TRPS1: variants seen among roughly 807,000 people sequenced by gnomAD.
The protein encoded by TRPS1 is zinc finger transcription factor Trps1.
A neutral mutation model predicts 101.2 loss-of-function variants in TRPS1; 6 were observed. The observed-to-expected ratio is 0.06, with a 90% CI of 0.03 to 0.12. TRPS1 has a LOEUF of 0.12. TRPS1 is among the 10% of genes least tolerant of loss of function. The probability of loss-of-function intolerance (pLI) is 1.00; values close to 1 mark genes in which losing one functional copy is unlikely to be tolerated. For synonymous variants in TRPS1, 578 were observed against 589.8 expected (o/e 0.98, Z 0.29); for missense variants, 1,363 against 1,567.0 (o/e 0.87, Z 2.20).
At chr8:115,463,046 T>C (rs938602477) in intron 5 of TRPS1, among the ~76,000 whole-genome samples, 5 of 152,222 alleles carry the variant, frequency 3.3e-5, no homozygotes, top group African/African-American at 1.2e-4. Flanking sequence ...CTTCTGTATG[T>C]TGCTGTGAGA....
At chr8:115,628,409 T>A (rs767088630) in intron 1 of TRPS1, among the ~76,000 whole-genome samples, 11 of 151,752 alleles carry the variant, frequency 7.2e-5, no homozygotes, top group Non-Finnish European at 1.5e-4. Flanking sequence ...CTAATTAGCA[T>A]CATTTTTCCC....
rs879808063 is a variant in TRPS1 at position 115,452,667 on chromosome 8, G to GTACTGCA, written c.2701-34216_2701-34215insTGCAGTA. ...AACTGAAATACAAAGGAACTTCCAA[G>GTACTGCA]TACCGCAGCCTTGGGATGCTTGGAT... On this transcript the variant is annotated intron_variant, in intron 5 of 6. Transcript: ENST00000395715. 2.5e-4 allele frequency among the ~76,000 whole-genome samples: 38 copies of GTACTGCA among 152,150 alleles called. 1 individual carries two copies. The highest frequency in any genetic ancestry group is 1.4e-3 in the Admixed American group (22 of 15,282).
rs116949255 is a variant in TRPS1, at chr8:115,533,321, A to C, written c.2700+53680T>G. Among the ~76,000 whole-genome samples, 921 of 152,138 alleles carry C rather than the reference A, an allele frequency of 6.1e-3. 25 individuals are homozygous for C. Among genetic ancestry groups the C allele is most frequent in the Admixed American group, 0.045 (680 of 15,270 alleles). ...TAGGAAAACTAGTTCCAATATTTCTAATGTTGTCAATTACGGTAAATCCTG... is the reference window on the plus strand; with the variant it reads ...TAGGAAAACTAGTTCCAATATTTCTCATGTTGTCAATTACGGTAAATCCTG... On this transcript the variant is annotated intron_variant, in intron 5 of 6. Transcript: ENST00000395715.
chr8:115,535,073 CAT>C (rs970649904), intron 5 of TRPS1, among the ~76,000 whole-genome samples: 6 of 144,188 alleles, frequency 4.2e-5, no homozygotes, highest in Non-Finnish European at 6.0e-5. Context: ...TATATATAAG[CAT>C]ATATATAGCA....
intron 5 of TRPS1, among the ~76,000 whole-genome samples, chr8:115,499,913 A>AAATT (rs1210180455): frequency 1.5e-5 from 2 of 137,450 alleles, no homozygotes; most frequent in South Asian, 2.4e-4. Context: ...GAAAAGTGCT[A>AAATT]AATTTCTTTC....
Position 115,447,785 on chromosome 8 carries a change from C to A in TRPS1, c.2701-29333G>T, listed in dbSNP as rs73706603. On this transcript the variant is annotated intron_variant, in intron 5 of 6. Transcript: ENST00000395715. The stretch of plus-strand genomic sequence containing the variant: ...TTTTGTGATTAAATACTTAAAAAAA[C>A]CCAAAACTTATGTTCAGTGTCACCT... Among the ~76,000 whole-genome samples, 1,082 of 152,034 alleles carry A rather than the reference C, an allele frequency of 7.1e-3. 14 individuals are homozygous for A. The highest frequency in any genetic ancestry group is 0.025 in the African/African-American group (1,041 of 41,488).
At chr8:115,421,137 A>ACC (rs1474924070) in intron 5 of TRPS1, among the ~76,000 whole-genome samples, 3 of 151,964 alleles carry the variant, frequency 2.0e-5, no homozygotes, top group African/African-American at 7.3e-5. Context: ...GGCATGCGCC[A>ACC]CCATGACCGG....
chr8:115,466,480 A>C (rs1055015790), intron 5 of TRPS1, among the ~76,000 whole-genome samples: 2 of 152,206 alleles, frequency 1.3e-5, no homozygotes, highest in Admixed American at 1.3e-4. Flanking sequence ...TCTACAGTAA[A>C]GTGAAGAAGG....
At chr8:115,664,661 A>G (rs1811881565) in intron 1 of TRPS1, among the ~76,000 whole-genome samples, 1 of 152,134 alleles carries the variant, frequency 6.6e-6, no homozygotes, top group South Asian at 2.1e-4. Flanking sequence ...TATTACCTGA[A>G]AGCTTGACCT....
intron 5 of TRPS1, among the ~76,000 whole-genome samples, chr8:115,548,441 G>A (rs868782963): frequency 2.6e-5 from 4 of 151,962 alleles, no homozygotes; most frequent in Non-Finnish European, 4.4e-5. Flanking sequence ...AGGTTCAAGC[G>A]ATTCTCCTGC....
At chr8:115,609,620 CA>C (rs1363013236) in intron 3 of TRPS1, among the ~76,000 whole-genome samples, 1 of 152,144 alleles carries the variant, frequency 6.6e-6, no homozygotes, top group African/African-American at 2.4e-5. Flanking sequence ...CAAGAAACTA[CA>C]AAATGCATCT....
At chr8:115,536,787 G>C (rs1563584973) in intron 5 of TRPS1, among the ~76,000 whole-genome samples, 3 of 143,700 alleles carry the variant, frequency 2.1e-5, no homozygotes, top group Admixed American at 1.4e-4. Flanking sequence ...TATAGCTGAA[G>C]TTTTTTTTTT....
chr8:115,443,171 G>A (rs900806473), intron 5 of TRPS1, among the ~76,000 whole-genome samples: 2 of 152,098 alleles, frequency 1.3e-5, no homozygotes, highest in East Asian at 3.9e-4. Context: ...TTGGGAGGCT[G>A]AGGCAGGACA....
intron 4 of TRPS1, among the ~76,000 whole-genome samples, chr8:115,598,582 G>C (rs1352504401): frequency 6.6e-6 from 1 of 152,140 alleles, no homozygotes; most frequent in Non-Finnish European, 1.5e-5. Flanking sequence ...GATTTCAGGT[G>C]TGAGCCACTG....
chr8:115,488,655 C>A (rs1217850462), intron 5 of TRPS1, among the ~76,000 whole-genome samples: 2 of 152,060 alleles, frequency 1.3e-5, no homozygotes, highest in African/African-American at 4.8e-5. Flanking sequence ...AGCCTCGCAA[C>A]AGAGTGAGAT....
intron 5 of TRPS1, among the ~76,000 whole-genome samples, chr8:115,489,292 T>C (rs766928723): frequency 2.6e-5 from 4 of 152,204 alleles, no homozygotes; most frequent in Admixed American, 6.5e-5. Flanking sequence ...ACTCCCATTA[T>C]ACCAAACCAA....
At chr8:115,630,866 T>A (rs557831626) in intron 1 of TRPS1, among the ~76,000 whole-genome samples, 1 of 152,192 alleles carries the variant, frequency 6.6e-6, no homozygotes, top group African/African-American at 2.4e-5. Context: ...GCATTTCTCA[T>A]AATCACTTTA....
At chr8:115,593,499 C>T (rs1380945911) in intron 4 of TRPS1, among the ~76,000 whole-genome samples, 2 of 152,050 alleles carry the variant, frequency 1.3e-5, no homozygotes, top group African/African-American at 4.8e-5. Context: ...GAATTAGTAC[C>T]TAAAAGATTT....
intron 5 of TRPS1, among the ~76,000 whole-genome samples, chr8:115,463,101 A>G (rs1200019733): frequency 6.6e-6 from 1 of 152,196 alleles, no homozygotes; most frequent in Non-Finnish European, 1.5e-5. Flanking sequence ...AGAGCTGAAA[A>G]AGTGTTTGAA....
Sources: allele counts gnomAD v4.1 joint callset (sites outside exome capture counted in the v4.1 genomes callset), GRCh38; gene constraint gnomAD v4.1.1; transcripts MANE v1.5; gene names NCBI Gene and HGNC (gene_info 2026-07-23, HGNC 2026-07-21).